The following CNTNAP2 variants were observed in gnomAD, a reference collection of about 807,000 sequenced individuals.
CNTNAP2 encodes the protein contactin-associated protein-like 2.
CNTNAP2 carries 98 observed loss-of-function variants against 155.2 expected under a neutral mutation model. That is an observed-to-expected ratio of 0.63 (90% CI 0.54 to 0.75). CNTNAP2 has a LOEUF of 0.75. Ranked by LOEUF, CNTNAP2 falls within the 30% of genes least tolerant of loss-of-function variation. CNTNAP2 has a pLI of 0.00. For missense variants in CNTNAP2, 1,727 were observed against 1,688.1 expected, an observed-to-expected ratio of 1.02 and a Z score of -0.40; for synonymous variants, 651 against 631.2, an observed-to-expected ratio of 1.03 and a Z score of -0.47.
chr7:147,725,785 C>T (rs10253551), intron 13 of CNTNAP2, among the ~76,000 whole-genome samples: 10,170 of 152,146 alleles, frequency 0.067, 980 homozygotes, highest in African/African-American at 0.22. Flanking sequence ...TATTCCCACT[C>T]TGCTTCTACC....
chr7:146,192,451 CG>C (rs779454745), intron 1 of CNTNAP2, among the ~76,000 whole-genome samples: 5 of 152,080 alleles, frequency 3.3e-5, no homozygotes, highest in Non-Finnish European at 4.4e-5. Flanking sequence ...TCAGCATGGA[CG>C]GGGAGGCCTC....
chr7:146,496,193 G>C (rs1797212659), intron 1 of CNTNAP2, among the ~76,000 whole-genome samples: 4 of 152,050 alleles, frequency 2.6e-5, no homozygotes, highest in South Asian at 4.1e-4. Flanking sequence ...AGTCTCCTAA[G>C]CCTAAATGGT....
intron 2 of CNTNAP2, among the ~76,000 whole-genome samples, chr7:146,794,739 G>A (rs558596421): frequency 2.0e-5 from 3 of 152,220 alleles, no homozygotes; most frequent in Admixed American, 6.5e-5. Flanking sequence ...GTCAAACCAC[G>A]AGAGGAATAA....
At chr7:147,274,971 C>T (rs1289072566) in intron 8 of CNTNAP2, among the ~76,000 whole-genome samples, 2 of 151,894 alleles carry the variant, frequency 1.3e-5, no homozygotes, top group African/African-American at 4.8e-5. Flanking sequence ...TCACAGATCT[C>T]TTGGTTGTGT....
chr7:146,321,233 C>T (rs1425292749), intron 1 of CNTNAP2, among the ~76,000 whole-genome samples: 1 of 152,096 alleles, frequency 6.6e-6, no homozygotes, highest in African/African-American at 2.4e-5. Context: ...TTATCAAGTA[C>T]TTAAATGGGG....
At chr7:148,178,942 A>T (rs1309256477) in intron 18 of CNTNAP2, among the ~76,000 whole-genome samples, 1 of 152,138 alleles carries the variant, frequency 6.6e-6, no homozygotes, top group African/African-American at 2.4e-5. Flanking sequence ...TGAGTATTGG[A>T]TTGTCATTTC....
At chr7:148,353,428 C>G (rs1406223849) in intron 21 of CNTNAP2, among the ~76,000 whole-genome samples, 1 of 152,192 alleles carries the variant, frequency 6.6e-6, no homozygotes, top group East Asian at 1.9e-4. Context: ...AAAACACTCC[C>G]TTTTGTCTCT....
At chr7:148,360,994 A>T (rs1355623959) in intron 21 of CNTNAP2, among the ~76,000 whole-genome samples, 1 of 151,986 alleles carries the variant, frequency 6.6e-6, no homozygotes, top group Non-Finnish European at 1.5e-5. Flanking sequence ...TTTTTAGTAG[A>T]GACGGGGTTT....
At chr7:147,503,231 A>G (rs149744418) in intron 11 of CNTNAP2, among the ~76,000 whole-genome samples, 24 of 152,210 alleles carry the variant, frequency 1.6e-4, no homozygotes, top group African/African-American at 5.3e-4. Context: ...TACATGCCTC[A>G]ATCTATTCTC....
At chr7:146,253,542 A>G (rs1404472882) in intron 1 of CNTNAP2, among the ~76,000 whole-genome samples, 3 of 152,174 alleles carry the variant, frequency 2.0e-5, no homozygotes, top group Non-Finnish European at 4.4e-5. Context: ...ATTTTATTTT[A>G]TATTCCAGTG....
At chr7:147,369,353 G>C (rs1458013991) in intron 9 of CNTNAP2, among the ~76,000 whole-genome samples, 1 of 152,176 alleles carries the variant, frequency 6.6e-6, no homozygotes, top group Non-Finnish European at 1.5e-5. Context: ...TGTCTCATTT[G>C]TTTTTGGTGC....
At chr7:147,690,464 C>CA (rs1294214756) in intron 13 of CNTNAP2, among the ~76,000 whole-genome samples, 1 of 152,140 alleles carries the variant, frequency 6.6e-6, no homozygotes, top group Non-Finnish European at 1.5e-5. Flanking sequence ...GACTATATCT[C>CA]AGACATTGTA....
intron 13 of CNTNAP2, among the ~76,000 whole-genome samples, chr7:147,856,655 C>T (rs1463079791): frequency 6.8e-6 from 1 of 146,030 alleles, no homozygotes; most frequent in African/African-American, 2.5e-5. Flanking sequence ...GCTCTAGAAA[C>T]ATTTTGTTCG....
intron 1 of CNTNAP2, among the ~76,000 whole-genome samples, chr7:146,645,450 G>T (rs1349012033): frequency 1.3e-5 from 2 of 152,136 alleles, no homozygotes; most frequent in Non-Finnish European, 2.9e-5. Context: ...CACAGTGCCA[G>T]TGGAGAAGGG....
chr7:147,389,002 C>G (rs552221421), intron 9 of CNTNAP2, among the ~76,000 whole-genome samples: 7 of 152,260 alleles, frequency 4.6e-5, no homozygotes, highest in Non-Finnish European at 1.0e-4. Context: ...GGGTGGAGAT[C>G]CTGTGTGGAC....
intron 10 of CNTNAP2, among the ~76,000 whole-genome samples, chr7:147,458,742 A>C (rs1046270861): frequency 2.0e-5 from 3 of 152,230 alleles, no homozygotes; most frequent in African/African-American, 7.2e-5. Flanking sequence ...TTTATCCCAG[A>C]AAACAGATTT....
At chr7:148,410,527 A>G (rs2116717679) in intron 23 of CNTNAP2, among the ~76,000 whole-genome samples, 1 of 140,996 alleles carries the variant, frequency 7.1e-6, no homozygotes, top group Non-Finnish European at 1.5e-5. Context: ...AGATCACACC[A>G]CTGTACTCCA....
chr7:148,054,122 G>A (rs1379715621), intron 15 of CNTNAP2, among the ~76,000 whole-genome samples: 8 of 152,056 alleles, frequency 5.3e-5, no homozygotes, highest in Non-Finnish European at 7.4e-5. Context: ...ACAGGTACCC[G>A]CCACCACACC....
At chr7:147,239,624 A>G (rs1320584520) in intron 8 of CNTNAP2, among the ~76,000 whole-genome samples, 1 of 152,180 alleles carries the variant, frequency 6.6e-6, no homozygotes, top group African/African-American at 2.4e-5. Context: ...TAATGACTAT[A>G]TTATGAAGGA....
Sources: allele counts gnomAD v4.1 joint callset (sites outside exome capture counted in the v4.1 genomes callset), GRCh38; gene constraint gnomAD v4.1.1; transcripts MANE v1.5; gene names NCBI Gene and HGNC (gene_info 2026-07-23, HGNC 2026-07-21).